The following IGSF11 variants were observed in gnomAD, a reference collection of about 807,000 sequenced individuals.
IGSF11 encodes the protein CXADR like 1.
A neutral mutation model predicts 41.0 loss-of-function variants in IGSF11; 22 were observed. The observed-to-expected ratio is 0.54, with a 90% CI of 0.38 to 0.77. The LOEUF is 0.77. Ranked by LOEUF, IGSF11 falls within the 30% of genes least tolerant of loss-of-function variation. The pLI, the probability that IGSF11 is intolerant of heterozygous loss-of-function variation, is 0.00. For missense variants in IGSF11, 444 were observed against 530.8 expected (o/e 0.84, Z 1.61); for synonymous variants, 219 against 201.3 (o/e 1.09, Z -0.74).
chr3:118,997,154 T>C (rs573775496), intron 1 of IGSF11, among the ~76,000 whole-genome samples: 2 of 152,146 alleles, frequency 1.3e-5, no homozygotes, highest in African/African-American at 4.8e-5. Context: ...GGATCCTGAA[T>C]CCAAACTGAC....
chr3:119,034,952 C>G (rs1218315233), upstream of IGSF11: 1 of 599,604 alleles, frequency 1.7e-6, no homozygotes, highest in South Asian at 7.5e-5. Context: ...CCCGCTTGGT[C>G]TCCAGGGCAA....
At chr3:119,019,508 G>C (rs1482910960) in intron 1 of IGSF11, among the ~76,000 whole-genome samples, 1 of 151,488 alleles carries the variant, frequency 6.6e-6, no homozygotes, top group East Asian at 1.9e-4. Flanking sequence ...CAACAGCTCA[G>C]AGAAACTCTT....
intron 1 of IGSF11, among the ~76,000 whole-genome samples, chr3:118,945,178 T>C (rs1355305601): frequency 6.6e-6 from 1 of 151,844 alleles, no homozygotes; most frequent in Non-Finnish European, 1.5e-5. Flanking sequence ...TCTCAAAAAA[T>C]AACCTAACAT....
At chr3:118,917,917 G>A (rs1396970388) in intron 4 of IGSF11, among the ~76,000 whole-genome samples, 1 of 125,062 alleles carries the variant, frequency 8.0e-6, no homozygotes, top group South Asian at 3.3e-4. Context: ...CCATGATCAA[G>A]TGGGCTTCAT....
intron 1 of IGSF11, among the ~76,000 whole-genome samples, chr3:118,974,916 CA>C (rs35575167): frequency 7.4e-4 from 107 of 144,802 alleles, no homozygotes; most frequent in East Asian, 1.8e-3. Context: ...TAACAGATAA[CA>C]AAAAAAAAAA....
chr3:119,104,164 A>G (rs1336184830), intron 1 of IGSF11, among the ~76,000 whole-genome samples: 4 of 152,152 alleles, frequency 2.6e-5, no homozygotes, highest in Admixed American at 2.6e-4. Flanking sequence ...TGCCAATTAC[A>G]ACCAGCATGA....
At chr3:119,106,808 A>G (rs2077036860), upstream of IGSF11, among the ~76,000 whole-genome samples, 1 of 151,920 alleles carries the variant, frequency 6.6e-6, no homozygotes, top group Admixed American at 6.6e-5. Context: ...TCATTGTTCA[A>G]TTCCCACCTA....
intron 4 of IGSF11, among the ~76,000 whole-genome samples, chr3:118,907,132 T>C (rs1353775450): frequency 6.6e-6 from 1 of 152,182 alleles, no homozygotes; most frequent in Non-Finnish European, 1.5e-5. Flanking sequence ...CACCTAGAGC[T>C]ATCCCCATCC....
intron 1 of IGSF11, among the ~76,000 whole-genome samples, chr3:119,003,599 T>C (rs1008744636): frequency 1.3e-5 from 2 of 151,212 alleles, no homozygotes; most frequent in African/African-American, 2.5e-5. Context: ...GGCTGTGGGT[T>C]TGTTATAGAT....
intron 1 of IGSF11, among the ~76,000 whole-genome samples, chr3:119,012,345 T>C (rs1324127381): frequency 6.6e-6 from 1 of 152,216 alleles, no homozygotes; most frequent in Non-Finnish European, 1.5e-5. Context: ...TTTCGTGAGC[T>C]TCCCAAATAA....
intron 4 of IGSF11, among the ~76,000 whole-genome samples, chr3:118,913,761 G>C (rs1051107336): frequency 6.6e-6 from 1 of 152,142 alleles, no homozygotes; most frequent in Non-Finnish European, 1.5e-5. Flanking sequence ...AAATAAAACC[G>C]TAATGTATAC....
intron 1 of IGSF11, among the ~76,000 whole-genome samples, chr3:119,114,372 A>G (rs1457785070): frequency 6.6e-6 from 1 of 152,224 alleles, no homozygotes; most frequent in Non-Finnish European, 1.5e-5. Flanking sequence ...ATATAAGCCT[A>G]GGCTGCTAGA....
chr3:119,132,990 C>A (rs1295260289), intron 1 of IGSF11, among the ~76,000 whole-genome samples: 2 of 152,120 alleles, frequency 1.3e-5, no homozygotes, highest in Non-Finnish European at 2.9e-5. Flanking sequence ...AAAATAAAGG[C>A]AGAAATAAAG....
At chr3:118,997,417 A>C (rs1231024921) in intron 1 of IGSF11, among the ~76,000 whole-genome samples, 1 of 152,182 alleles carries the variant, frequency 6.6e-6, no homozygotes, top group African/African-American at 2.4e-5. Flanking sequence ...GGACCACAGA[A>C]ACCAGTGACC....
intron 1 of IGSF11, among the ~76,000 whole-genome samples, chr3:119,095,805 T>C (rs75950275): frequency 0.014 from 2,083 of 152,266 alleles, 30 homozygotes; most frequent in Non-Finnish European, 0.02. Flanking sequence ...GGGGAAGAAG[T>C]TACCTAAACC....
chr3:119,023,428 G>A (rs1177499703), intron 1 of IGSF11, among the ~76,000 whole-genome samples: 1 of 152,012 alleles, frequency 6.6e-6, no homozygotes. Flanking sequence ...CACTTTTACA[G>A]CATAGTGCTG....
At chr3:118,991,195 C>T (rs144747504) in intron 1 of IGSF11, among the ~76,000 whole-genome samples, 63 of 152,348 alleles carry the variant, frequency 4.1e-4, no homozygotes, top group African/African-American at 1.4e-3. Flanking sequence ...GAAAATTAGA[C>T]GGAGTCAGAA....
At chr3:119,037,283 T>G (rs1940952345), upstream of IGSF11, among the ~76,000 whole-genome samples, 3 of 152,190 alleles carry the variant, frequency 2.0e-5, no homozygotes, top group Admixed American at 2.0e-4. Flanking sequence ...CAAAGTGCTT[T>G]CACACCTATT....
chr3:119,142,453 A>T (rs2077662730), intron 1 of IGSF11, among the ~76,000 whole-genome samples: 1 of 152,170 alleles, frequency 6.6e-6, no homozygotes, highest in South Asian at 2.1e-4. Flanking sequence ...ATAAACTGCT[A>T]CTAAGGAAGC....
Sources: allele counts gnomAD v4.1 joint callset (sites outside exome capture counted in the v4.1 genomes callset), GRCh38; gene constraint gnomAD v4.1.1; transcripts MANE v1.5; gene names NCBI Gene and HGNC (gene_info 2026-07-23, HGNC 2026-07-21).